The following HPGD variants were observed in gnomAD, a reference collection of about 807,000 sequenced individuals.
HPGD encodes the protein 15-hydroxyprostaglandin dehydrogenase.
A neutral mutation model predicts 30.0 loss-of-function variants in HPGD; 29 were observed. The observed-to-expected ratio is 0.97, with a 90% CI of 0.72 to 1.32. HPGD has a LOEUF of 1.32. HPGD is among the 40% of genes most tolerant of loss of function. HPGD has a pLI of 0.00. For missense variants in HPGD, 340 were observed against 322.1 expected, an observed-to-expected ratio of 1.06 and a Z score of -0.43; for synonymous variants, 99 against 112.4, an observed-to-expected ratio of 0.88 and a Z score of 0.75.
In HPGD at chr4:174,504,535, T is replaced by G. The variant is rs376683740; in HGVS notation, c.421+4161A>C. ...CCCACAATCTGAAGCAATTAAATAC[T>G]TAAGAACTGCGCCTGTAATCCCAGC... On this transcript the variant is annotated intron_variant, in intron 4 of 6. Coordinates refer to ENST00000296522, the MANE Select transcript of HPGD (RefSeq NM_000860.6). Among the ~76,000 whole-genome samples, 88 of 152,176 alleles carry G rather than the reference T, an allele frequency of 5.8e-4. 2 individuals carry two copies. In the South Asian group the frequency reaches 0.017, roughly 30 times the overall value.
At chr4:174,502,093 C>T (rs1446469864) in intron 4 of HPGD, among the ~76,000 whole-genome samples, 3 of 152,252 alleles carry the variant, frequency 2.0e-5, no homozygotes, top group East Asian at 1.9e-4. Context: ...TCTGTAACTA[C>T]GCTAAAAAAG....
chr4:174,497,564 C>CTTTTTTTTTTT (rs1560976871), intron 4 of HPGD, among the ~76,000 whole-genome samples: 1 of 14,226 alleles, frequency 7.0e-5, no homozygotes, highest in African/African-American at 1.7e-4. Flanking sequence ...CTTTCTTTTT[C>CTTTTTTTTTTT]TTTCTTTTTT....
At chr4:174,517,080 G>T (rs2110868501) in intron 3 of HPGD, among the ~76,000 whole-genome samples, 1 of 152,248 alleles carries the variant, frequency 6.6e-6, no homozygotes, top group South Asian at 2.1e-4. Context: ...ACCTTAGCAA[G>T]GTCAGGGAGA....
chr4:174,515,014 A>T (rs186182912), intron 3 of HPGD, among the ~76,000 whole-genome samples: 1 of 152,306 alleles, frequency 6.6e-6, no homozygotes, highest in Non-Finnish European at 1.5e-5. Flanking sequence ...AAGGAATCAG[A>T]GATGTCATTA....
chr4:174,504,882 T>A (rs939610087), intron 4 of HPGD, among the ~76,000 whole-genome samples: 2 of 152,200 alleles, frequency 1.3e-5, no homozygotes, highest in African/African-American at 4.8e-5. Flanking sequence ...TGAGATGTTT[T>A]AATGGAGCAT....
Position 174,492,424 on chromosome 4 carries a change from T to A in HPGD, c.663-330A>T, listed in dbSNP as rs1734385122. Among the ~76,000 whole-genome samples the A allele has an allele frequency of 6.6e-6, 1 of 152,050 alleles. No individual in the cohort carries two copies. The highest frequency in any genetic ancestry group is 2.4e-5 in the African/African-American group (1 of 41,454). On this transcript the variant is annotated intron_variant, in intron 6 of 6. Coordinates refer to ENST00000296522, the MANE Select transcript of HPGD (RefSeq NM_000860.6). This position sits in a 1 kb window ranked among gnomAD's most constrained non-coding sequence, Gnocchi z 4.9. ...AATGATCATTTTCTCATCTTTATCG[T>A]ATCAGTAGATCTTAGACTTACCAGA...
Position 174,508,657 on chromosome 4 carries a change from G to A in HPGD, c.421+39C>T, listed in dbSNP as rs3775977. 326,606 of 1,136,846 alleles carry A rather than the reference G, an allele frequency of 0.29. 50,798 individuals carry two copies. Among genetic ancestry groups the A allele is most frequent in the East Asian group, 0.65 (27,905 of 42,612 alleles). 70.4% of individuals were successfully genotyped at this position (1,136,846 alleles called of 1,614,324 possible). The stretch of plus-strand genomic sequence containing the variant: ...TTTGTTTTTGTGGTCCAAATTACCA[G>A]TAAGAAAATGTTACATTTAATGTAA... On this transcript the variant is annotated intron_variant, in intron 4 of 6. Coordinates refer to ENST00000296522, the MANE Select transcript of HPGD (RefSeq NM_000860.6).
intron 2 of HPGD, among the ~76,000 whole-genome samples, chr4:174,521,624 G>C (rs967652787): frequency 6.6e-6 from 1 of 152,202 alleles, no homozygotes; most frequent in Non-Finnish European, 1.5e-5. Flanking sequence ...AATTTTCCAA[G>C]TTTTGTCTGC....
chr4:174,490,742 C>A lies in HPGD; in HGVS notation c.*1214G>T, dbSNP rs951747507. ...TTCTAGGAAATCCATATCAATCTCA[C>A]ATGGAAAGATTTGGCTTCAAGCTGG... On this transcript the variant is annotated 3_prime_UTR_variant, in exon 7 of 7. Coordinates refer to ENST00000296522, the MANE Select transcript of HPGD (RefSeq NM_000860.6). The surrounding 1 kb of genome is among the most constrained non-coding windows in gnomAD (Gnocchi z 4.4). 2.6e-5 allele frequency: 4 copies of A among 152,298 alleles called. No individual in the cohort carries two copies. Among genetic ancestry groups the A allele is most frequent in the Non-Finnish European group, 5.9e-5 (4 of 68,014 alleles). 9.4% of individuals were successfully genotyped at this position (152,298 alleles called of 1,614,324 possible).
intron 3 of HPGD, among the ~76,000 whole-genome samples, chr4:174,509,918 A>G (rs1273079224): frequency 1.3e-5 from 2 of 150,128 alleles, no homozygotes; most frequent in African/African-American, 5.1e-5. Context: ...ACCAAAAAAA[A>G]AAAAGAAAAA....
intron 4 of HPGD, among the ~76,000 whole-genome samples, chr4:174,497,607 C>CTCGCTCTA (rs775274183): frequency 3.5e-4 from 13 of 36,654 alleles, no homozygotes; most frequent in Non-Finnish European, 6.6e-4. Context: ...GAGACAGAGT[C>CTCGCTCTA]TCGCTCTATC....
At position 174,492,394 on chromosome 4, in the gene HPGD, G is replaced by A. The variant is rs1377753081; in HGVS notation, c.663-300C>T. Among the ~76,000 whole-genome samples the A allele has an allele frequency of 6.6e-6, 1 of 151,802 alleles. No individual in the cohort carries two copies. Among genetic ancestry groups the A allele is most frequent in the Admixed American group, 6.6e-5 (1 of 15,222 alleles). On this transcript the variant is annotated intron_variant, in intron 6 of 6. Transcript: ENST00000296522. The surrounding 1 kb of genome is among the most constrained non-coding windows in gnomAD (Gnocchi z 4.9). ...GGAATTTATACTCATTATTTTCACT[G>A]AGCAAATGATCATTTTCTCATCTTT...
intron 4 of HPGD, among the ~76,000 whole-genome samples, chr4:174,502,601 C>A (rs1377051859): frequency 7.0e-6 from 1 of 142,348 alleles, no homozygotes; most frequent in Non-Finnish European, 1.5e-5. Context: ...TGGCGTGAAC[C>A]CGAAAGGCGG....
intron 4 of HPGD, among the ~76,000 whole-genome samples, 192 bp downstream of exon 4, chr4:174,508,504 A>C (rs1186657916): frequency 6.6e-6 from 1 of 152,214 alleles, no homozygotes; most frequent in Non-Finnish European, 1.5e-5. Context: ...AAAAGCCACA[A>C]GTTAAATTAA....
intron 3 of HPGD, among the ~76,000 whole-genome samples, chr4:174,516,594 T>A (rs1186106240): frequency 6.6e-6 from 1 of 152,070 alleles, no homozygotes; most frequent in Non-Finnish European, 1.5e-5. Context: ...GACACACGAT[T>A]TACTCAGGTA....
chr4:174,500,773 T>C (rs1218298517), intron 4 of HPGD, among the ~76,000 whole-genome samples: 2 of 152,192 alleles, frequency 1.3e-5, no homozygotes, highest in Admixed American at 1.3e-4. Context: ...ACAGGGTTTT[T>C]AGGGTAGTAA....
intron 1 of HPGD, 23 bp from the exon 2 acceptor site, chr4:174,522,090 C>G: frequency 6.2e-7 from 1 of 1,614,104 alleles, no homozygotes; most frequent in Non-Finnish European, 8.5e-7. Context: ...GGAGAGGAAT[C>G]GCGGGCCTGC....
rs148301913 is a variant in HPGD, at chr4:174,500,307, G to A, written c.422-4683C>T. ...AAACAAGAACTCCAATTCATTGCTG[G>A]TGCGAATGCAAAATGGCACAGCCAC... On this transcript the variant is annotated intron_variant, in intron 4 of 6. Coordinates refer to ENST00000296522, the MANE Select transcript of HPGD (RefSeq NM_000860.6). 6.1e-3 allele frequency among the ~76,000 whole-genome samples: 922 copies of A among 152,298 alleles called. 7 individuals are homozygous for A. Among genetic ancestry groups the A allele is most frequent in the South Asian group, 0.014 (66 of 4,826 alleles).
At chr4:174,510,395 C>T (rs1735425116) in intron 3 of HPGD, among the ~76,000 whole-genome samples, 1 of 152,006 alleles carries the variant, frequency 6.6e-6, no homozygotes, top group Admixed American at 6.6e-5. Flanking sequence ...TTAATGAAGC[C>T]AGTTGGATTC....
Sources: allele counts gnomAD v4.1 joint callset (sites outside exome capture counted in the v4.1 genomes callset), GRCh38; gene constraint gnomAD v4.1.1; non-coding constraint Gnocchi (gnomAD v3.1); transcripts MANE v1.5; gene names NCBI Gene and HGNC (gene_info 2026-07-23, HGNC 2026-07-21).